MRTFA: variants seen among roughly 807,000 people sequenced by gnomAD.
MRTFA encodes myocardin-related transcription factor A.
A neutral mutation model predicts 83.5 loss-of-function variants in MRTFA; 20 were observed. The observed-to-expected ratio is 0.24, with a 90% CI of 0.17 to 0.35. The LOEUF is 0.35. MRTFA is among the 10% of genes least tolerant of loss of function. MRTFA has a pLI of 1.00. For synonymous variants in MRTFA, 659 were observed against 541.2 expected, an observed-to-expected ratio of 1.22 and a Z score of -3.02; for missense variants, 1,200 against 1,224.7, an observed-to-expected ratio of 0.98 and a Z score of 0.30.
rs1181947504 is a variant in MRTFA, at chr22:40,581,783, T to A, written c.-22+12891A>T. Among the ~76,000 whole-genome samples the A allele has an allele frequency of 5.9e-5, 9 of 152,168 alleles. 1 individual carries two copies. Among genetic ancestry groups the A allele is most frequent in the Admixed American group, 5.9e-4 (9 of 15,264 alleles). ...TTCCAAGTTGACATAAGCCTTTAGA[T>A]AAATGATGATACGGAGTATCTTTAA... On this transcript the variant is annotated intron_variant, in intron 2 of 14. Coordinates refer to ENST00000355630, the MANE Select transcript of MRTFA (RefSeq NM_020831.6).
Position 40,411,511 on chromosome 22 carries a change from T to G in MRTFA, c.2975A>C (p.Glu992Ala), listed in dbSNP as rs765991404. The G allele has an allele frequency of 6.2e-7, 1 of 1,611,946 alleles. No homozygotes were observed. Among genetic ancestry groups the G allele is most frequent in the African/African-American group, 1.3e-5 (1 of 74,998 alleles). Residue 992 changes from glutamate (E) to alanine (A), a missense_variant, in exon 15 of 15, where the codon GAG becomes GCG. Coordinates refer to ENST00000355630, the MANE Select transcript of MRTFA (RefSeq NM_020831.6). ...CAGCACGGGACCACCTGACGACAGC[T>G]CCAGCCAGTCCATGCTGTCCAGGTG...
chr22:40,490,130 G>A (rs989004429), intron 3 of MRTFA, among the ~76,000 whole-genome samples: 7 of 151,880 alleles, frequency 4.6e-5, no homozygotes, highest in African/African-American at 1.7e-4. Flanking sequence ...TTGAAAATAT[G>A]GAACATTACA....
intron 1 of MRTFA, among the ~76,000 whole-genome samples, chr22:40,606,081 G>A (rs2056316005): frequency 6.6e-6 from 1 of 152,086 alleles, no homozygotes; most frequent in Non-Finnish European, 1.5e-5. Flanking sequence ...GTTCCAGGTG[G>A]GGACTCCACT....
intron 2 of MRTFA, among the ~76,000 whole-genome samples, chr22:40,572,153 A>T (rs1437448577): frequency 1.3e-5 from 2 of 152,174 alleles, no homozygotes; most frequent in East Asian, 3.8e-4. Flanking sequence ...TAGAATTGGG[A>T]CACATATAGA....
At chr22:40,436,835 G>T (rs2053179315) in intron 4 of MRTFA, among the ~76,000 whole-genome samples, 1 of 152,142 alleles carries the variant, frequency 6.6e-6, no homozygotes, top group Non-Finnish European at 1.5e-5. Context: ...TAGGCTGCTG[G>T]CTGCGGTAGG....
At chr22:40,567,875 T>C (rs2055729203) in intron 2 of MRTFA, among the ~76,000 whole-genome samples, 2 of 152,150 alleles carry the variant, frequency 1.3e-5, no homozygotes, top group East Asian at 1.9e-4. Context: ...TATCCTTAGG[T>C]TTCTCAATGA....
At chr22:40,495,480 TG>T (rs1326747784) in intron 3 of MRTFA, among the ~76,000 whole-genome samples, 1 of 142,916 alleles carries the variant, frequency 7.0e-6, no homozygotes, top group Non-Finnish European at 1.5e-5. Flanking sequence ...CTGTCTGGGC[TG>T]GGTGTGGGGG....
chr22:40,514,637 G>A (rs1205250179), intron 3 of MRTFA, among the ~76,000 whole-genome samples: 1 of 124,964 alleles, frequency 8.0e-6, no homozygotes, highest in East Asian at 4.8e-4. Context: ...CCATGCCCGG[G>A]TAATTTTTGT....
At chr22:40,501,971 C>T (rs1440386226) in intron 3 of MRTFA, among the ~76,000 whole-genome samples, 21 of 125,294 alleles carry the variant, frequency 1.7e-4, no homozygotes, top group Admixed American at 1.2e-3. Context: ...GGCGGCTGGC[C>T]GGGCGGGGGG....
intron 2 of MRTFA, among the ~76,000 whole-genome samples, chr22:40,574,860 G>GAGTA (rs1343135623): frequency 6.6e-6 from 1 of 152,096 alleles, no homozygotes; most frequent in Non-Finnish European, 1.5e-5. Context: ...CCACAGCAGG[G>GAGTA]GTACTGGAAC....
At chr22:40,449,348 C>T (rs995341767) in intron 4 of MRTFA, among the ~76,000 whole-genome samples, 1 of 151,250 alleles carries the variant, frequency 6.6e-6, no homozygotes, top group Non-Finnish European at 1.5e-5. Flanking sequence ...ACAGGGCAAT[C>T]TTCTACTTCA....
At chr22:40,430,012 A>G (rs928378629) in intron 6 of MRTFA, among the ~76,000 whole-genome samples, 3 of 152,148 alleles carry the variant, frequency 2.0e-5, no homozygotes, top group African/African-American at 7.2e-5. Context: ...AACCCAGAAG[A>G]CTTTCTGAGG....
intron 3 of MRTFA, among the ~76,000 whole-genome samples, chr22:40,486,120 C>T (rs1380865681): frequency 1.3e-5 from 2 of 152,140 alleles, no homozygotes; most frequent in South Asian, 2.1e-4. Context: ...TCCCGACTTA[C>T]GCCTTTAAAT....
chr22:40,431,179 G>C (rs117141170), intron 6 of MRTFA, among the ~76,000 whole-genome samples: 37 of 152,328 alleles, frequency 2.4e-4, no homozygotes, highest in South Asian at 4.1e-4. Context: ...TGAGACCCTG[G>C]AGAAGAGGCC....
chr22:40,627,835 T>A (rs1274401671), intron 1 of MRTFA, among the ~76,000 whole-genome samples: 1 of 152,176 alleles, frequency 6.6e-6, no homozygotes, highest in Admixed American at 6.5e-5. Context: ...TAGCCGGGCA[T>A]GATGGCACAC....
At chr22:40,550,094 A>G (rs2055422909) in intron 3 of MRTFA, among the ~76,000 whole-genome samples, 1 of 150,804 alleles carries the variant, frequency 6.6e-6, no homozygotes, top group Admixed American at 6.6e-5. Flanking sequence ...AGATTGATAG[A>G]TATCTGTGTT....
chr22:40,454,376 A>AAAG (rs1406356080), intron 4 of MRTFA, among the ~76,000 whole-genome samples: 1 of 152,166 alleles, frequency 6.6e-6, no homozygotes, highest in Non-Finnish European at 1.5e-5. Flanking sequence ...TTGGCCTCCC[A>AAAG]AAGTGCTGAA....
chr22:40,483,685 T>C (rs141760575), intron 3 of MRTFA, among the ~76,000 whole-genome samples: 2 of 140,928 alleles, frequency 1.4e-5, no homozygotes, highest in African/African-American at 5.2e-5. Context: ...ACTGTCTCAA[T>C]AAAAAAAAAA....
At chr22:40,552,921 A>G (rs1401231132) in intron 2 of MRTFA, among the ~76,000 whole-genome samples, 1 of 152,246 alleles carries the variant, frequency 6.6e-6, no homozygotes, top group Admixed American at 6.5e-5. Flanking sequence ...GGAACTTCCT[A>G]GAGACCTGTT....
Sources: gnomAD v4.1 joint callset for allele counts (sites outside exome capture counted in the v4.1 genomes callset) on GRCh38, gnomAD v4.1.1 for gene constraint, MANE v1.5 for transcripts, NCBI Gene and HGNC (gene_info 2026-07-23, HGNC 2026-07-21) for gene names.